The following NRG1 variants were observed in gnomAD, a reference collection of about 807,000 sequenced individuals.
NRG1 encodes the protein pro-neuregulin-1, membrane-bound isoform.
Under a neutral mutation model 63.8 loss-of-function variants are expected in NRG1, and 18 were observed. The ratio of observed to expected loss-of-function variants is 0.28; its 90% confidence interval spans 0.19 to 0.42. NRG1 has a LOEUF of 0.42. Ranked by LOEUF, NRG1 falls within the 10% of genes least tolerant of loss-of-function variation. The pLI, the probability that NRG1 is intolerant of heterozygous loss-of-function variation, is 1.00. For synonymous variants in NRG1, 302 were observed against 301.3 expected (o/e 1.00, Z -0.02); for missense variants, 762 against 814.7 (o/e 0.94, Z 0.79).
chr8:31,852,026 G>T (rs547568716), intron 1 of NRG1, among the ~76,000 whole-genome samples: 3,983 of 148,848 alleles, frequency 0.027, 56 homozygotes, highest in Non-Finnish European at 0.04. Flanking sequence ...CATTTGGGTT[G>T]GTTCCAAGTC....
chr8:32,414,933 A>G (rs1219438370), intron 1 of NRG1, among the ~76,000 whole-genome samples: 2 of 152,154 alleles, frequency 1.3e-5, no homozygotes. Context: ...AGTAGTGTAC[A>G]GTGCGAAAAA....
intron 1 of NRG1, among the ~76,000 whole-genome samples, chr8:32,328,495 C>T (rs1309868535): frequency 1.3e-5 from 2 of 150,412 alleles, no homozygotes; most frequent in African/African-American, 4.9e-5. Context: ...TTACTTTTTA[C>T]CTTTTCAAAT....
At chr8:32,132,303 A>G (rs1563823208) in intron 1 of NRG1, among the ~76,000 whole-genome samples, 2 of 152,130 alleles carry the variant, frequency 1.3e-5, no homozygotes, top group South Asian at 4.1e-4. Context: ...TCATAAAAAG[A>G]CTGAAATAAG....
At chr8:32,002,543 T>A (rs1475562742) in intron 1 of NRG1, among the ~76,000 whole-genome samples, 2 of 151,980 alleles carry the variant, frequency 1.3e-5, no homozygotes, top group Admixed American at 1.3e-4. Flanking sequence ...TTTAAGCACT[T>A]CCTTACTTTC....
At chr8:32,762,070 C>T (rs1053175554) in intron 11 of NRG1, among the ~76,000 whole-genome samples, 11 of 145,210 alleles carry the variant, frequency 7.6e-5, no homozygotes, top group African/African-American at 2.1e-4. Flanking sequence ...ACATTCTGGA[C>T]TTGCAAGCCT....
chr8:32,303,329 T>G (rs73580333), intron 1 of NRG1, among the ~76,000 whole-genome samples: 2,055 of 151,668 alleles, frequency 0.014, 23 homozygotes, highest in Middle Eastern at 0.037. Context: ...AGCATCAGGA[T>G]CTACTTCAAA....
chr8:32,516,999 T>A (rs1239356088), intron 1 of NRG1, among the ~76,000 whole-genome samples: 1 of 152,090 alleles, frequency 6.6e-6, no homozygotes, highest in African/African-American at 2.4e-5. Context: ...TAAGGATCTC[T>A]GGAAATAGGA....
intron 1 of NRG1, among the ~76,000 whole-genome samples, chr8:31,664,397 T>C (rs1347045474): frequency 1.3e-5 from 2 of 152,100 alleles, no homozygotes; most frequent in Non-Finnish European, 2.9e-5. Context: ...GTTGGAAATA[T>C]GAGTGAGAGA....
At chr8:32,646,854 C>T (rs1853653052) in intron 5 of NRG1, 1 of 983,010 alleles carries the variant, frequency 1.0e-6, no homozygotes, top group Admixed American at 6.3e-5. Flanking sequence ...TCAGACCAGC[C>T]TGCAGCTCTA....
chr8:32,301,794 C>T (rs1010034611), intron 1 of NRG1, among the ~76,000 whole-genome samples: 2 of 152,178 alleles, frequency 1.3e-5, no homozygotes, highest in Admixed American at 6.5e-5. Context: ...ATTCCATCAG[C>T]TCCCACGGGT....
chr8:32,502,583 T>C (rs1827999114), intron 1 of NRG1, among the ~76,000 whole-genome samples: 1 of 151,106 alleles, frequency 6.6e-6, no homozygotes, highest in South Asian at 2.1e-4. Context: ...CAACTTTCTA[T>C]ATCAACTCAC....
At chr8:31,966,601 C>T (rs537419621) in intron 1 of NRG1, among the ~76,000 whole-genome samples, 2 of 152,316 alleles carry the variant, frequency 1.3e-5, no homozygotes, top group African/African-American at 2.4e-5. Context: ...ATTCACTGCA[C>T]AGTGCTTCCT....
intron 1 of NRG1, among the ~76,000 whole-genome samples, chr8:31,921,788 T>C (rs1833942939): frequency 6.6e-6 from 1 of 152,216 alleles, no homozygotes. Flanking sequence ...GGATTTTATT[T>C]TGTGGTATTG....
At chr8:32,697,385 A>C (rs561810342) in intron 5 of NRG1, among the ~76,000 whole-genome samples, 18 of 152,348 alleles carry the variant, frequency 1.2e-4, no homozygotes, top group African/African-American at 4.3e-4. Flanking sequence ...ATCCAGAGTT[A>C]ACTGCTCATT....
intron 1 of NRG1, among the ~76,000 whole-genome samples, chr8:32,314,572 G>A (rs1339989213): frequency 6.6e-6 from 1 of 151,588 alleles, no homozygotes. Flanking sequence ...CCTTGCATGT[G>A]CTTCCCACTG....
At position 31,910,163 on chromosome 8, in the gene NRG1, C is replaced by T. The variant is rs145953120; in HGVS notation, c.37+270732C>T. 5.8e-3 allele frequency among the ~76,000 whole-genome samples: 877 copies of T among 152,260 alleles called. 6 individuals are homozygous for T. The highest frequency in any genetic ancestry group is 0.01 in the Middle Eastern group (3 of 294). On this transcript the variant is annotated intron_variant, in intron 1 of 10. Coordinates refer to the NRG1 transcript ENST00000519301. ...ATTTAAGCTGCGAGCTAAAGGATGA[C>T]GATGACACATAGGAAAGAATGTTCC...
At chr8:32,588,581 T>C (rs35567011) in intron 1 of NRG1, among the ~76,000 whole-genome samples, 13 of 152,228 alleles carry the variant, frequency 8.5e-5, no homozygotes, top group Non-Finnish European at 1.6e-4. Context: ...TTTTATGTTG[T>C]ATAATGAAAC....
Position 32,634,099 on chromosome 8 carries a change from T to TAA in NRG1, c.502+17232_502+17233dup, listed in dbSNP as rs57478389. Among the ~76,000 whole-genome samples the TAA allele has an allele frequency of 2.6e-3, 228 of 86,760 alleles. 14 individuals carry two copies. Among genetic ancestry groups the TAA allele is most frequent in the African/African-American group, 0.013 (200 of 15,038 alleles). 56.9% of individuals were successfully genotyped at this position (86,760 alleles called of 152,430 possible). A position where few individuals can be genotyped will look rare whatever the true frequency, so the allele number is the denominator to read the frequency against. On this transcript the variant is annotated intron_variant, in intron 5 of 11. Coordinates refer to ENST00000356819, the Ensembl canonical transcript of NRG1. ...TTTGAGGCTGAGCAAGATCTTGTCT[T>TAA]AAAAAAAAAAAAAAAAAAAGGTTGC...
intron 5 of NRG1, among the ~76,000 whole-genome samples, chr8:32,714,566 A>T (rs938848651): frequency 2.0e-5 from 3 of 152,246 alleles, no homozygotes; most frequent in Non-Finnish European, 4.4e-5. Context: ...TCCTGGCTGT[A>T]GGAAAAGAGC....
Sources: gnomAD v4.1 joint callset for allele counts (sites outside exome capture counted in the v4.1 genomes callset) on GRCh38, gnomAD v4.1.1 for gene constraint, MANE v1.5 for transcripts, NCBI Gene and HGNC (gene_info 2026-07-23, HGNC 2026-07-21) for gene names.